AKAP19: variants seen among roughly 807,000 people sequenced by gnomAD.
AKAP19 encodes A-kinase anchoring protein 19.
At chr2:190,078,795 T>C in the AKAP19 span, among the ~76,000 whole-genome samples, 1 of 152,158 alleles carries the variant, frequency 6.6e-6, no homozygotes, top group African/African-American at 2.4e-5. Flanking sequence ...TCTTTTAGGA[T>C]TTTACCCTCT....
the AKAP19 span, among the ~76,000 whole-genome samples, chr2:190,169,687 T>G: frequency 1.3e-5 from 2 of 152,218 alleles, no homozygotes; most frequent in Non-Finnish European, 2.9e-5. Context: ...ACTCCCTCAG[T>G]GAGGTAATAT....
At chr2:190,062,375 T>C in the AKAP19 span, 1 of 1,613,378 alleles carries the variant, frequency 6.2e-7, no homozygotes, top group Non-Finnish European at 8.5e-7. Context: ...TTATAACATC[T>C]TTGCTGATGT....
the AKAP19 span, among the ~76,000 whole-genome samples, chr2:190,084,324 C>A: frequency 1.6e-3 from 251 of 152,228 alleles, no homozygotes; most frequent in African/African-American, 5.6e-3. Context: ...AATTCCTCAC[C>A]TCAAGTGATC....
the AKAP19 span, among the ~76,000 whole-genome samples, chr2:189,971,278 C>T: frequency 6.6e-6 from 1 of 152,134 alleles, no homozygotes; most frequent in Non-Finnish European, 1.5e-5. Context: ...ATGATGGTTT[C>T]CAGCTTCATC....
chr2:189,946,938 C>A, the AKAP19 span, among the ~76,000 whole-genome samples: 1 of 152,174 alleles, frequency 6.6e-6, no homozygotes, highest in Non-Finnish European at 1.5e-5. Flanking sequence ...ATGCTTAGTG[C>A]AGCTTTGGGA....
At chr2:190,148,628 T>C in the AKAP19 span, among the ~76,000 whole-genome samples, 1 of 152,254 alleles carries the variant, frequency 6.6e-6, no homozygotes, top group Non-Finnish European at 1.5e-5. Context: ...TGTGAATCCC[T>C]CTGGTCCTGG....
At chr2:189,983,237 A>G in the AKAP19 span, among the ~76,000 whole-genome samples, 1 of 152,152 alleles carries the variant, frequency 6.6e-6, no homozygotes, top group African/African-American at 2.4e-5. Flanking sequence ...TCCTGGCCAC[A>G]GTGTTGCTGC....
chr2:189,966,189 G>C, the AKAP19 span, among the ~76,000 whole-genome samples: 1 of 149,170 alleles, frequency 6.7e-6, no homozygotes, highest in Non-Finnish European at 1.5e-5. Context: ...ACCTGGGGGG[G>C]AAAGGGTGAG....
At chr2:190,145,547 A>G in the AKAP19 span, among the ~76,000 whole-genome samples, 2 of 152,084 alleles carry the variant, frequency 1.3e-5, no homozygotes, top group South Asian at 2.1e-4. Context: ...ATAAGATTAT[A>G]ATACCATATT....
the AKAP19 span, among the ~76,000 whole-genome samples, chr2:190,195,109 G>A: frequency 3.3e-5 from 5 of 152,016 alleles, no homozygotes; most frequent in East Asian, 5.8e-4. Flanking sequence ...AATGATACTC[G>A]CCTCAGCCTC....
chr2:190,173,557 T>C, the AKAP19 span, among the ~76,000 whole-genome samples: 2 of 152,210 alleles, frequency 1.3e-5, no homozygotes, highest in Non-Finnish European at 2.9e-5. Context: ...AATGATAGAA[T>C]CTTGGCTTTG....
chr2:190,161,793 T>A, the AKAP19 span, among the ~76,000 whole-genome samples: 1 of 152,174 alleles, frequency 6.6e-6, no homozygotes, highest in Non-Finnish European at 1.5e-5. Context: ...CATTCATTTT[T>A]TTTCCCTCTC....
the AKAP19 span, among the ~76,000 whole-genome samples, chr2:190,098,839 T>C: frequency 6.6e-6 from 1 of 152,250 alleles, no homozygotes; most frequent in Non-Finnish European, 1.5e-5. Flanking sequence ...GCAGCTTCCA[T>C]ATCAGCACTT....
At chr2:189,920,809 C>T in the AKAP19 span, among the ~76,000 whole-genome samples, 1 of 152,250 alleles carries the variant, frequency 6.6e-6, no homozygotes, top group South Asian at 2.1e-4. Flanking sequence ...GATCTTGGAA[C>T]CCAGTTCTCA....
the AKAP19 span, among the ~76,000 whole-genome samples, chr2:189,999,450 G>GA: frequency 7.9e-5 from 12 of 151,410 alleles, no homozygotes; most frequent in Non-Finnish European, 1.2e-4. Flanking sequence ...AACTTTCTGT[G>GA]AAAAAAAAGA....
At chr2:190,034,619 C>T in the AKAP19 span, among the ~76,000 whole-genome samples, 1 of 147,498 alleles carries the variant, frequency 6.8e-6, no homozygotes, top group East Asian at 2.0e-4. Context: ...CCAAGGAGGG[C>T]GGATCACTTG....
At chr2:190,177,691 G>C in the AKAP19 span, among the ~76,000 whole-genome samples, 2 of 152,330 alleles carry the variant, frequency 1.3e-5, no homozygotes, top group African/African-American at 4.8e-5. This position sits in a 1 kb window ranked among gnomAD's most constrained non-coding sequence, Gnocchi z 4.6. Flanking sequence ...TCTGTGGTCT[G>C]TCTGTCTGAC....
the AKAP19 span, among the ~76,000 whole-genome samples, chr2:190,174,828 G>A: frequency 6.6e-6 from 1 of 152,164 alleles, no homozygotes; most frequent in Non-Finnish European, 1.5e-5. Flanking sequence ...AATAAATGCA[G>A]GTGAAGACTT....
the AKAP19 span, among the ~76,000 whole-genome samples, chr2:190,121,453 C>A: frequency 6.6e-6 from 1 of 152,040 alleles, no homozygotes; most frequent in Non-Finnish European, 1.5e-5. Context: ...CTATCTACCC[C>A]CTCCAAAATA....
Sources: allele counts gnomAD v4.1 joint callset (sites outside exome capture counted in the v4.1 genomes callset), GRCh38; gene constraint gnomAD v4.1.1; non-coding constraint Gnocchi (gnomAD v3.1); transcripts MANE v1.5; gene names NCBI Gene and HGNC (gene_info 2026-07-23, HGNC 2026-07-21).